Variants in IQCH observed in about 807,000 individuals in gnomAD.
IQCH encodes the protein IQ domain-containing protein H.
A neutral mutation model predicts 117.0 loss-of-function variants in IQCH; 98 were observed. The ratio of observed to expected loss-of-function variants is 0.84; its 90% CI spans 0.71 to 0.99. The LOEUF (loss-of-function observed/expected upper bound fraction) is 0.99. Ranked by LOEUF, IQCH falls within the 50% of genes least tolerant of loss-of-function variation. The probability of loss-of-function intolerance (pLI) is 0.00; values close to 1 mark genes in which losing one functional copy is unlikely to be tolerated. For synonymous variants in IQCH, 412 were observed against 448.2 expected (o/e 0.92, Z 1.02); for missense variants, 1,102 against 1,243.8 (o/e 0.89, Z 1.72).
chr15:67,403,090 A>C lies in IQCH; in HGVS notation c.2097+2785A>C, dbSNP rs1342523110. Among the ~76,000 whole-genome samples the C allele has an allele frequency of 6.6e-6, 1 of 152,176 alleles. No homozygotes were observed. The highest frequency in any genetic ancestry group is 1.5e-5 in the Non-Finnish European group (1 of 68,032). ...TAGTGAAACCTCGTCTCTACTAAAA[A>C]TACAAAAAAATTAGTCGGGGCTGGT... On this transcript the variant is annotated intron_variant, in intron 14 of 20. Coordinates refer to ENST00000335894, the MANE Select transcript of IQCH (RefSeq NM_001031715.3). This position sits in a 1 kb window ranked among gnomAD's most constrained non-coding sequence, Gnocchi z 4.8.
At chr15:67,464,376 A>G (rs1050123781) in intron 16 of IQCH, among the ~76,000 whole-genome samples, 1 of 152,218 alleles carries the variant, frequency 6.6e-6, no homozygotes, top group Non-Finnish European at 1.5e-5. Flanking sequence ...ATATTTGTCA[A>G]ACGAATTAGT....
At position 67,417,678 on chromosome 15, in the gene IQCH, A is replaced by G. The variant is rs1229607430; in HGVS notation, c.2218+627A>G. 1.3e-5 allele frequency among the ~76,000 whole-genome samples: 2 copies of G among 152,078 alleles called. No individual in the cohort carries two copies. The highest frequency in any genetic ancestry group is 4.8e-5 in the African/African-American group (2 of 41,394). ...ACATTGGGTGGTCTATGAATGAGGG[A>G]ATGAATGGAGTGAATGATGCCTGTC... On this transcript the variant is annotated intron_variant, in intron 15 of 20. Coordinates refer to ENST00000335894, the MANE Select transcript of IQCH (RefSeq NM_001031715.3). The surrounding 1 kb of genome is among the most constrained non-coding windows in gnomAD (Gnocchi z 4.3).
intron 10 of IQCH, among the ~76,000 whole-genome samples, chr15:67,378,311 T>C (rs1970807294): frequency 6.6e-6 from 1 of 151,916 alleles, no homozygotes; most frequent in Admixed American, 6.6e-5. Flanking sequence ...CTTTTTACTT[T>C]TGAGTTGACA....
Position 67,254,867 on chromosome 15 carries a change from C to A in IQCH, c.-30C>A. ...GTTTCCGTGCTTGGAAACCGCGCCT[C>A]CGCGGAGGTAGCCGTTCCCTGACCT... On this transcript the variant is annotated 5_prime_UTR_variant, in exon 1 of 21. Coordinates refer to ENST00000335894, the MANE Select transcript of IQCH (RefSeq NM_001031715.3). 5 of 1,610,492 alleles carry A rather than the reference C, an allele frequency of 3.1e-6. No homozygotes were observed. The highest frequency in any genetic ancestry group is 4.2e-6 in the Non-Finnish European group (5 of 1,177,958).
intron 6 of IQCH, 54 bp downstream of exon 6, chr15:67,344,245 C>G: frequency 1.9e-6 from 3 of 1,575,880 alleles, no homozygotes; most frequent in Non-Finnish European, 2.6e-6. Flanking sequence ...ATTATCTCTG[C>G]CCCAGATCTA....
chr15:67,447,486 G>A lies in IQCH; in HGVS notation c.2506-17641G>A, dbSNP rs559190568. On this transcript the variant is annotated intron_variant, in intron 16 of 20. Transcript: ENST00000335894. The surrounding 1 kb of genome is among the most constrained non-coding windows in gnomAD (Gnocchi z 5.3). ...AAGGTTCCCTTATGATAAGCATGTA[G>A]TACCTGGGACTCAACCCTCTACCAT... is the stretch of plus-strand genomic sequence containing the variant. Among the ~76,000 whole-genome samples, 1 of 152,264 alleles carries A rather than the reference G, an allele frequency of 6.6e-6. No individual in the cohort carries two copies. The highest frequency in any genetic ancestry group is 2.4e-5 in the African/African-American group (1 of 41,562).
chr15:67,297,981 TA>T (rs1176601182), intron 4 of IQCH, among the ~76,000 whole-genome samples: 2 of 151,948 alleles, frequency 1.3e-5, no homozygotes, highest in East Asian at 3.9e-4. Flanking sequence ...CAAGCTACTC[TA>T]GGAAAAAAAA....
rs887627216 is a variant in IQCH, at chr15:67,422,841, C to G, written c.2505+1264C>G. Among the ~76,000 whole-genome samples, 6 of 152,164 alleles carry G rather than the reference C, an allele frequency of 3.9e-5. No homozygotes were observed. The highest frequency in any genetic ancestry group is 3.3e-4 in the Admixed American group (5 of 15,278). On this transcript the variant is annotated intron_variant, in intron 16 of 20. Coordinates refer to ENST00000335894, the MANE Select transcript of IQCH (RefSeq NM_001031715.3). This position sits in a 1 kb window ranked among gnomAD's most constrained non-coding sequence, Gnocchi z 4.7. Reference sequence around the variant, plus strand: ...TCGTGTTTTAAAATGTCCGGTTGCTCCTCTCTTAGTGCTGCATGTCCAGAC... The same window carrying G: ...TCGTGTTTTAAAATGTCCGGTTGCTGCTCTCTTAGTGCTGCATGTCCAGAC...
chr15:67,265,043 G>A (rs1438297135), intron 3 of IQCH, among the ~76,000 whole-genome samples: 1 of 152,136 alleles, frequency 6.6e-6, no homozygotes, highest in Non-Finnish European at 1.5e-5. Context: ...TGGAAGGGGT[G>A]GGGAAAAGCA....
intron 6 of IQCH, among the ~76,000 whole-genome samples, chr15:67,349,606 C>A (rs368569410): frequency 3.8e-3 from 455 of 118,956 alleles, no homozygotes; most frequent in Admixed American, 5.3e-3. Flanking sequence ...GACTCCATCT[C>A]AAAAAAAAAA....
At chr15:67,279,275 T>G in intron 3 of IQCH, 120 bp from the exon 4 acceptor site, 1 of 616,194 alleles carries the variant, frequency 1.6e-6, no homozygotes, top group Non-Finnish European at 2.9e-6. Context: ...TTATTGTAAT[T>G]ACCAATAGAA....
rs981541728 is a variant in IQCH, at chr15:67,370,663, C to A, written c.754-1448C>A. ...AAGTAGCTTGCATTCTCTTCTGGCA[C>A]CCTGATTAGATCAGAAAGGGATAGA... is the stretch of plus-strand genomic sequence containing the variant. On this transcript the variant is annotated intron_variant, in intron 8 of 20. Coordinates refer to ENST00000335894, the MANE Select transcript of IQCH (RefSeq NM_001031715.3). This position sits in a 1 kb window ranked among gnomAD's most constrained non-coding sequence, Gnocchi z 5.6. Among the ~76,000 whole-genome samples, 2 of 152,268 alleles carry A rather than the reference C, an allele frequency of 1.3e-5. No individual in the cohort carries two copies. Among genetic ancestry groups the A allele is most frequent in the East Asian group, 1.9e-4 (1 of 5,190 alleles).
intron 16 of IQCH, among the ~76,000 whole-genome samples, chr15:67,441,144 A>G (rs2140965998): frequency 7.3e-6 from 1 of 137,704 alleles, no homozygotes; most frequent in Non-Finnish European, 1.6e-5. Flanking sequence ...AAAAAAAAAA[A>G]AAAAAAAAAG....
chr15:67,452,514 G>A lies in IQCH; in HGVS notation c.2506-12613G>A, dbSNP rs553929320. ...AGTTTGGCTGGATATGAAATTCTGG[G>A]TTGAAAATTCTTTTCTTTAAGAATG... On this transcript the variant is annotated intron_variant, in intron 16 of 20. Coordinates refer to ENST00000335894, the MANE Select transcript of IQCH (RefSeq NM_001031715.3). 4.6e-5 allele frequency among the ~76,000 whole-genome samples: 7 copies of A among 150,956 alleles called. No individual in the cohort carries two copies. In the South Asian group the frequency reaches 1.5e-3, roughly 32 times the overall value.
In IQCH at chr15:67,382,421, C is replaced by T. The variant is rs143433725; in HGVS notation, c.1373-2515C>T. 7.9e-4 allele frequency among the ~76,000 whole-genome samples: 120 copies of T among 152,282 alleles called. No individual in the cohort carries two copies. The East Asian group carries it at 0.014, about 18-fold the overall frequency. ...GGTCAGTTGATAGCAACCTTAATTC[C>T]ATTAGCAACTTTATTTCTCCTTTGT... On this transcript the variant is annotated intron_variant, in intron 10 of 20. Coordinates refer to ENST00000335894, the MANE Select transcript of IQCH (RefSeq NM_001031715.3).
At chr15:67,304,142 T>C (rs1205018353) in intron 4 of IQCH, among the ~76,000 whole-genome samples, 1 of 152,130 alleles carries the variant, frequency 6.6e-6, no homozygotes, top group Non-Finnish European at 1.5e-5. Flanking sequence ...CGGAGGAAAA[T>C]CTACACAAAG....
intron 4 of IQCH, among the ~76,000 whole-genome samples, chr15:67,316,295 A>T (rs1967842932): frequency 6.6e-6 from 1 of 152,216 alleles, no homozygotes; most frequent in Non-Finnish European, 1.5e-5. Context: ...CTCATTTAAA[A>T]GTTTACTCCA....
chr15:67,480,265 C>T (rs1397692810), intron 18 of IQCH, among the ~76,000 whole-genome samples: 1 of 152,236 alleles, frequency 6.6e-6, no homozygotes, highest in African/African-American at 2.4e-5. Flanking sequence ...CTCAGCCCTC[C>T]TCCTGAAGTT....
At chr15:67,392,741 C>T (rs558816425) in intron 12 of IQCH, among the ~76,000 whole-genome samples, 34 of 146,010 alleles carry the variant, frequency 2.3e-4, no homozygotes, top group Non-Finnish European at 4.6e-4. Context: ...TGCACCACTG[C>T]ACTCCAGCCT....
Sources: allele counts gnomAD v4.1 joint callset (sites outside exome capture counted in the v4.1 genomes callset), GRCh38; gene constraint gnomAD v4.1.1; non-coding constraint Gnocchi (gnomAD v3.1); transcripts MANE v1.5; gene names NCBI Gene and HGNC (gene_info 2026-07-23, HGNC 2026-07-21).